The following COQ5 variants were observed in gnomAD, a reference collection of about 807,000 sequenced individuals.
COQ5 encodes 2-methoxy-6-polyprenyl-1,4-benzoquinol methylase, mitochondrial.
In COQ5, 27 loss-of-function variants were observed where a neutral mutation model predicts 40.5. The observed-to-expected ratio is 0.67, with a 90% CI of 0.49 to 0.92. The LOEUF (loss-of-function observed/expected upper bound fraction) is 0.92. COQ5 is among the 40% of genes least tolerant of loss of function. The probability of loss-of-function intolerance (pLI) is 0.00; values close to 1 mark genes in which losing one functional copy is unlikely to be tolerated. For synonymous variants in COQ5, 141 were observed against 150.0 expected (o/e 0.94, Z 0.44); for missense variants, 409 against 406.4 (o/e 1.01, Z -0.06).
rs1395969363 is a variant in COQ5 at position 120,512,158 on chromosome 12, C to T, written c.575-2035G>A. ...CTGGGAGGTGGAGCTTGCAGTGAGC[C>T]GAGATCATGCCACCGCACTCCAGCC... On this transcript the variant is annotated intron_variant, in intron 3 of 6. Coordinates refer to ENST00000288532, the MANE Select transcript of COQ5 (RefSeq NM_032314.4). Among the ~76,000 whole-genome samples the T allele has an allele frequency of 3.6e-4, 54 of 151,646 alleles. 1 individual carries two copies. The highest frequency in any genetic ancestry group is 3.5e-3 in the Admixed American group (53 of 15,198).
chr12:120,504,563 T>TG (rs901244514), intron 5 of COQ5: 1 of 336,682 alleles, frequency 3.0e-6, no homozygotes, highest in African/African-American at 2.2e-5. Context: ...TTCCTGATTT[T>TG]TTTTTTTTTA....
chr12:120,508,492 G>A (rs1461109120), intron 4 of COQ5, among the ~76,000 whole-genome samples: 1 of 152,102 alleles, frequency 6.6e-6, no homozygotes, highest in Non-Finnish European at 1.5e-5. Context: ...TCGAATCCAT[G>A]CAAAAATTAC....
chr12:120,528,501 G>A (rs1251626659), intron 1 of COQ5, among the ~76,000 whole-genome samples: 2 of 152,154 alleles, frequency 1.3e-5, no homozygotes, highest in Non-Finnish European at 2.9e-5. Context: ...TTAGTCATCA[G>A]TATTCTGCTT....
intron 4 of COQ5, among the ~76,000 whole-genome samples, chr12:120,507,396 T>G (rs1868928409): frequency 2.0e-5 from 3 of 151,324 alleles, no homozygotes; most frequent in African/African-American, 4.8e-5. Flanking sequence ...GCGATTCTTC[T>G]CCCTCAGCCT....
chr12:120,524,150 A>G, intron 1 of COQ5: 1 of 227,154 alleles, frequency 4.4e-6, no homozygotes. Flanking sequence ...CACAATTTAG[A>G]GGGCTCTCAT....
intron 3 of COQ5, among the ~76,000 whole-genome samples, chr12:120,510,536 A>G (rs1256255031): frequency 6.6e-6 from 1 of 151,852 alleles, no homozygotes; most frequent in African/African-American, 2.4e-5. Flanking sequence ...CTGGTCTCAA[A>G]CTCCTGGGCT....
Position 120,503,564 on chromosome 12 carries a change from C to A in COQ5, c.*220G>T. 1.5e-6 allele frequency: 1 copy of A among 660,280 alleles called. No individual in the cohort carries two copies. 40.9% of individuals were successfully genotyped at this position (660,280 alleles called of 1,614,324 possible). Reference sequence around the variant, plus strand: ...TTAGCAGTTGAGCAAAGATACAGACCAAATGCCTCTGGGAGATGGACTGAA... The same window carrying A: ...TTAGCAGTTGAGCAAAGATACAGACAAAATGCCTCTGGGAGATGGACTGAA... On this transcript the variant is annotated 3_prime_UTR_variant, in exon 7 of 7. Coordinates refer to ENST00000288532, the MANE Select transcript of COQ5 (RefSeq NM_032314.4).
intron 1 of COQ5, 140 bp downstream of exon 1, chr12:120,528,800 G>T: frequency 1.3e-6 from 1 of 776,784 alleles, no homozygotes; most frequent in Non-Finnish European, 2.2e-6. Context: ...GCGAAATTCT[G>T]TCTCCAAAAA....
intron 1 of COQ5, among the ~76,000 whole-genome samples, chr12:120,526,214 A>G (rs2137095136): frequency 6.6e-6 from 1 of 152,374 alleles, no homozygotes; most frequent in East Asian, 1.9e-4. Flanking sequence ...GTTCACAGAC[A>G]GTAAAGCATG....
At chr12:120,522,923 C>A (rs1267400032) in intron 1 of COQ5, 2 of 686,402 alleles carry the variant, frequency 2.9e-6, no homozygotes. Flanking sequence ...CACGTGCACT[C>A]GTGGCCCTGG....
Position 120,526,698 on chromosome 12 carries a change from A to ATTTTTTTTTTTTTTTTTTTT in COQ5, c.202+2222_202+2241dup, listed in dbSNP as rs61584250. Among the ~76,000 whole-genome samples the ATTTTTTTTTTTTTTTTTTTT allele has an allele frequency of 2.5e-4, 16 of 64,150 alleles. 2 individuals carry two copies. Among genetic ancestry groups the ATTTTTTTTTTTTTTTTTTTT allele is most frequent in the African/African-American group, 8.2e-4 (10 of 12,192 alleles). The allele number at this position is 64,150 out of a possible 152,430, so 42.1% of individuals were successfully genotyped here. A position where few individuals can be genotyped will look rare whatever the true frequency, so the allele number is the denominator to read the frequency against. The stretch of plus-strand genomic sequence containing the variant: ...AATAGTGCTCAAACTACTCTTGGCA[A>ATTTTTTTTTTTTTTTTTTTT]TTTTTTTTTTTTTTTTTTTTTTTTT... On this transcript the variant is annotated intron_variant, in intron 1 of 6. Transcript: ENST00000288532.
At chr12:120,513,218 T>A (rs1399637344) in intron 3 of COQ5, among the ~76,000 whole-genome samples, 1 of 143,600 alleles carries the variant, frequency 7.0e-6, no homozygotes, top group Non-Finnish European at 1.5e-5. Context: ...AAAAAGTAGT[T>A]AAGGGCCAGG....
Position 120,503,985 on chromosome 12 carries a change from T to A in COQ5, c.867A>T (p.Arg289=). ...AGTTTCATACCTGAGACGGAAACCT[T>A]CGGATACTCTCTACAAGGTACTGAT... ...KSYQYLVESI[R]RFPSQEEFKD... is the part of the protein sequence containing the mutation. The change falls in exon 6 of 7, where the codon CGA becomes CGT. Residue 289 remains arginine (R), a synonymous_variant. Coordinates refer to ENST00000288532, the MANE Select transcript of COQ5 (RefSeq NM_032314.4). 1.2e-6 allele frequency: 2 copies of A among 1,612,230 alleles called. No homozygotes were observed. The highest frequency in any genetic ancestry group is 1.7e-6 in the Non-Finnish European group (2 of 1,178,384).
At chr12:120,507,823 G>T (rs1025954394) in intron 4 of COQ5, among the ~76,000 whole-genome samples, 2 of 148,082 alleles carry the variant, frequency 1.4e-5, no homozygotes, top group Non-Finnish European at 3.0e-5. Context: ...GGAGGCGGAG[G>T]TTTCAGTGAG....
intron 4 of COQ5, among the ~76,000 whole-genome samples, chr12:120,509,308 G>C (rs1869022135): frequency 6.6e-6 from 1 of 152,116 alleles, no homozygotes; most frequent in Non-Finnish European, 1.5e-5. Flanking sequence ...CTTGAGCTCA[G>C]GGGTTCGAGA....
intron 3 of COQ5, 46 bp downstream of exon 3, chr12:120,516,521 T>C: frequency 7.0e-7 from 1 of 1,437,406 alleles, no homozygotes; most frequent in Non-Finnish European, 9.8e-7. Context: ...CCTTATTCTA[T>C]AAAGATACAA....
At position 120,523,355 on chromosome 12, in the gene COQ5, T is replaced by C. The variant is rs1362575845; in HGVS notation, c.203-992A>G. ...CCGTCTCAAAGAAAAAAAAATAGGATTCATATCTTTGTGATCGGGGTTTCT... is the reference window on the plus strand; with the variant it reads ...CCGTCTCAAAGAAAAAAAAATAGGACTCATATCTTTGTGATCGGGGTTTCT... On this transcript the variant is annotated intron_variant, in intron 1 of 6. Coordinates refer to ENST00000288532, the MANE Select transcript of COQ5 (RefSeq NM_032314.4). 8.7e-6 allele frequency: 3 copies of C among 344,184 alleles called. No homozygotes were observed. The East Asian group carries it at 2.6e-4, about 29-fold the overall frequency. The allele number at this position is 344,184 out of a possible 1,614,324, so 21.3% of individuals were successfully genotyped here. A position where few individuals can be genotyped will look rare whatever the true frequency, so the allele number is the denominator to read the frequency against.
At chr12:120,527,390 T>C (rs1454806912) in intron 1 of COQ5, 1 of 152,060 alleles carries the variant, frequency 6.6e-6, no homozygotes, top group Non-Finnish European at 1.5e-5. Flanking sequence ...TGTAAATAAA[T>C]ATCAACTTCA....
At chr12:120,523,410 G>T in intron 1 of COQ5, 1 of 400,416 alleles carries the variant, frequency 2.5e-6, no homozygotes, top group Non-Finnish European at 4.9e-6. Context: ...TTTCGGGACT[G>T]GCTGTGTGTG....
Sources: allele counts gnomAD v4.1 joint callset (sites outside exome capture counted in the v4.1 genomes callset), GRCh38; gene constraint gnomAD v4.1.1; transcripts MANE v1.5; gene names NCBI Gene and HGNC (gene_info 2026-07-23, HGNC 2026-07-21).